The following CHSY3 variants were observed in gnomAD, a reference collection of about 807,000 sequenced individuals.
The protein encoded by CHSY3 is N-acetylgalactosaminyl-proteoglycan 3-beta-glucuronosyltransferase 3.
Under a neutral mutation model 67.2 loss-of-function variants are expected in CHSY3, and 35 were observed. The observed-to-expected ratio is 0.52, with a 90% CI of 0.40 to 0.69. The LOEUF (loss-of-function observed/expected upper bound fraction) is 0.69. CHSY3 is among the 30% of genes least tolerant of loss of function. The probability of loss-of-function intolerance (pLI) is 0.00; values close to 1 mark genes in which losing one functional copy is unlikely to be tolerated. For synonymous variants in CHSY3, 474 were observed against 434.7 expected (o/e 1.09, Z -1.12); for missense variants, 1,069 against 1,138.5 (o/e 0.94, Z 0.88).
intron 2 of CHSY3, among the ~76,000 whole-genome samples, chr5:130,176,988 A>G (rs1192093635): frequency 1.3e-5 from 2 of 152,146 alleles, no homozygotes; most frequent in African/African-American, 4.8e-5. Flanking sequence ...TATAAAAAAC[A>G]GATTGAATTT....
intron 2 of CHSY3, among the ~76,000 whole-genome samples, chr5:130,006,067 T>A (rs1477574359): frequency 6.6e-6 from 1 of 152,172 alleles, no homozygotes; most frequent in Non-Finnish European, 1.5e-5. Context: ...ATAATGCATG[T>A]CCCAAAATTA....
chr5:130,027,693 T>C (rs187948246), intron 2 of CHSY3, among the ~76,000 whole-genome samples: 1 of 150,064 alleles, frequency 6.7e-6, no homozygotes, highest in African/African-American at 2.4e-5. Context: ...CATTGTTCAA[T>C]TCCCACCTAT....
At chr5:129,993,996 T>A (rs1000111285) in intron 2 of CHSY3, among the ~76,000 whole-genome samples, 1 of 152,204 alleles carries the variant, frequency 6.6e-6, no homozygotes, top group African/African-American at 2.4e-5. Context: ...GATATGAAAT[T>A]CTGTGTTGAA....
At chr5:130,006,889 T>G (rs1763892923) in intron 2 of CHSY3, among the ~76,000 whole-genome samples, 1 of 152,208 alleles carries the variant, frequency 6.6e-6, no homozygotes, top group Non-Finnish European at 1.5e-5. Context: ...AGAAAATCAG[T>G]TGACTTTCTG....
At chr5:129,979,262 C>G (rs1175263115) in intron 2 of CHSY3, among the ~76,000 whole-genome samples, 1 of 144,718 alleles carries the variant, frequency 6.9e-6, no homozygotes, top group Non-Finnish European at 1.5e-5. Flanking sequence ...ACTAATTTAT[C>G]AGTAACAGTG....
chr5:130,168,858 T>C (rs780290599), intron 2 of CHSY3, among the ~76,000 whole-genome samples: 1 of 152,100 alleles, frequency 6.6e-6, no homozygotes, highest in African/African-American at 2.4e-5. Flanking sequence ...TGAATGTGTA[T>C]AGTTAGTGCT....
intron 2 of CHSY3, among the ~76,000 whole-genome samples, chr5:130,136,322 G>A (rs1768659247): frequency 6.6e-6 from 1 of 152,176 alleles, no homozygotes; most frequent in African/African-American, 2.4e-5. Flanking sequence ...TTGGGAAACT[G>A]TAAGTAGTTT....
chr5:129,990,377 A>ACTGTGTGT (rs1554075035), intron 2 of CHSY3, among the ~76,000 whole-genome samples: 3 of 147,476 alleles, frequency 2.0e-5, no homozygotes, highest in African/African-American at 7.5e-5. Flanking sequence ...TGAGTGAGTG[A>ACTGTGTGT]GTGTGTGTGT....
At position 130,083,385 on chromosome 5, in the gene CHSY3, GTCTC is replaced by G. The variant is rs534691038; in HGVS notation, c.1087-100840_1087-100837del. On this transcript the variant is annotated intron_variant, in intron 2 of 2. Coordinates refer to ENST00000305031, the MANE Select transcript of CHSY3 (RefSeq NM_175856.5). ...TCCTCTTCTGTTACTTTTAAAATGT[GTCTC>G]TCTGTGTTAGCATTTTATGGAAATG... Among the ~76,000 whole-genome samples, 98 of 151,762 alleles carry G rather than the reference GTCTC, an allele frequency of 6.5e-4. 1 individual carries two copies. Among genetic ancestry groups the G allele is most frequent in the Non-Finnish European group, 1.1e-3 (72 of 67,906 alleles).
chr5:130,104,875 G>A (rs114011760), intron 2 of CHSY3, among the ~76,000 whole-genome samples: 69 of 151,798 alleles, frequency 4.5e-4, no homozygotes, highest in African/African-American at 1.6e-3. Context: ...TTAATTAGTG[G>A]TACAGTAAAA....
intron 2 of CHSY3, among the ~76,000 whole-genome samples, chr5:130,010,515 A>C (rs1003182653): frequency 3.3e-5 from 5 of 152,224 alleles, no homozygotes; most frequent in Non-Finnish European, 7.4e-5. Flanking sequence ...CACTAAGTGC[A>C]CATTAAAAAG....
At chr5:130,145,181 G>A (rs2149721754) in intron 2 of CHSY3, among the ~76,000 whole-genome samples, 1 of 152,278 alleles carries the variant, frequency 6.6e-6, no homozygotes, top group African/African-American at 2.4e-5. Context: ...AACTGAACAT[G>A]AGATTTGGGT....
chr5:130,096,386 T>C (rs75491385), intron 2 of CHSY3, among the ~76,000 whole-genome samples: 49 of 152,274 alleles, frequency 3.2e-4, no homozygotes, highest in African/African-American at 1.2e-3. Context: ...TCAACCAGTA[T>C]GGACTCAATC....
intron 2 of CHSY3, among the ~76,000 whole-genome samples, chr5:130,057,043 C>G (rs2149674507): frequency 6.6e-6 from 1 of 150,810 alleles, no homozygotes; most frequent in African/African-American, 2.4e-5. Flanking sequence ...GCTGCCTCAG[C>G]CTCCTGAGTA....
intron 2 of CHSY3, among the ~76,000 whole-genome samples, chr5:130,070,939 A>G (rs1390084484): frequency 6.6e-6 from 1 of 152,062 alleles, no homozygotes; most frequent in Non-Finnish European, 1.5e-5. Context: ...TTTTATTTGT[A>G]GAGAGAAGGG....
At chr5:129,936,517 T>C (rs989619375) in intron 2 of CHSY3, among the ~76,000 whole-genome samples, 3 of 152,122 alleles carry the variant, frequency 2.0e-5, no homozygotes, top group Admixed American at 6.6e-5. Flanking sequence ...CCTTGCTGCT[T>C]CAGTGGTCAC....
intron 2 of CHSY3, among the ~76,000 whole-genome samples, chr5:129,946,868 G>A (rs1761871309): frequency 6.6e-6 from 1 of 152,094 alleles, no homozygotes. Flanking sequence ...CTTGCCTATT[G>A]TGAATAATAC....
intron 2 of CHSY3, among the ~76,000 whole-genome samples, chr5:130,067,436 A>C (rs1765919235): frequency 6.6e-6 from 1 of 152,162 alleles, no homozygotes; most frequent in South Asian, 2.1e-4. Flanking sequence ...GCCTCTTTGA[A>C]GTAATGAAAT....
At chr5:129,923,822 C>T (rs920273680) in intron 2 of CHSY3, among the ~76,000 whole-genome samples, 8 of 152,120 alleles carry the variant, frequency 5.3e-5, no homozygotes, top group Non-Finnish European at 1.0e-4. Context: ...GGCTTTGCAG[C>T]CCTTTGTGAA....
Sources: gnomAD v4.1 joint callset for allele counts (sites outside exome capture counted in the v4.1 genomes callset) on GRCh38, gnomAD v4.1.1 for gene constraint, MANE v1.5 for transcripts, NCBI Gene and HGNC (gene_info 2026-07-23, HGNC 2026-07-21) for gene names.